The following ESRRB variants were observed in gnomAD, a reference collection of about 807,000 sequenced individuals.
ESRRB encodes steroid hormone receptor ERR2.
In ESRRB, 16 loss-of-function variants were observed where a neutral mutation model predicts 46.0. The ratio of observed to expected loss-of-function variants is 0.35; its 90% CI spans 0.24 to 0.53. The LOEUF (loss-of-function observed/expected upper bound fraction) is 0.53, where lower values mean the gene tolerates loss of function less well. Ranked by LOEUF, ESRRB falls within the 20% of genes least tolerant of loss-of-function variation. The pLI is 0.93. For missense variants in ESRRB, 488 were observed against 607.4 expected, an observed-to-expected ratio of 0.80 and a Z score of 2.07; for synonymous variants, 246 against 259.6, an observed-to-expected ratio of 0.95 and a Z score of 0.50.
Position 76,418,379 on chromosome 14 carries a change from G to A in ESRRB, c.51-20962G>A, listed in dbSNP as rs183101429. The stretch of plus-strand genomic sequence containing the variant: ...GTTTTCACTTTTGTTAGCTTCCTAT[G>A]TTACCATGATAGATTTGTCACAACT... On this transcript the variant is annotated intron_variant, in intron 1 of 6. Transcript: ENST00000644823. Among the ~76,000 whole-genome samples the A allele has an allele frequency of 5.1e-3, 769 of 152,254 alleles. 7 individuals are homozygous for A. Among genetic ancestry groups the A allele is most frequent in the African/African-American group, 0.018 (739 of 41,536 alleles).
At chr14:76,415,926 T>G (rs1886678836) in intron 1 of ESRRB, among the ~76,000 whole-genome samples, 1 of 152,180 alleles carries the variant, frequency 6.6e-6, no homozygotes, top group Admixed American at 6.5e-5. Flanking sequence ...TTGCCTACAG[T>G]CAACAGCAAG....
chr14:76,391,807 G>A (rs571613072), intron 1 of ESRRB, among the ~76,000 whole-genome samples: 1 of 152,304 alleles, frequency 6.6e-6, no homozygotes, highest in South Asian at 2.1e-4. Flanking sequence ...GTCCAAGAGT[G>A]CCTGGTTGAG....
At chr14:76,468,315 T>C (rs1889208700) in intron 3 of ESRRB, among the ~76,000 whole-genome samples, 1 of 152,096 alleles carries the variant, frequency 6.6e-6, no homozygotes, top group African/African-American at 2.4e-5. Flanking sequence ...CTTTATAGAA[T>C]GGTATTGAGC....
rs1466733101 is a variant in ESRRB at position 76,319,249 on chromosome 14, C to A, written c.2+8333C>A. ...GCGTAGCATAGCTAAAGTGGGGTTG[C>A]TTGTTTGCCACATATTTGATGGTGC... On this transcript the variant is annotated intron_variant, in intron 1 of 6. Coordinates refer to the ESRRB transcript ENST00000512784. Among the ~76,000 whole-genome samples the A allele has an allele frequency of 2.0e-5, 3 of 152,208 alleles. No homozygotes were observed. The East Asian group carries it at 5.8e-4, about 29-fold the overall frequency.
intron 1 of ESRRB, chr14:76,310,998 C>CTCTT: frequency 2.3e-6 from 1 of 433,402 alleles, no homozygotes; most frequent in South Asian, 1.7e-5. Context: ...CTCTCTCTCT[C>CTCTT]TCTCTCTCTC....
intron 3 of ESRRB, among the ~76,000 whole-genome samples, chr14:76,473,257 C>T (rs560544974): frequency 6.6e-6 from 1 of 152,188 alleles, no homozygotes; most frequent in Non-Finnish European, 1.5e-5. Flanking sequence ...AAATGAGATA[C>T]GGGTATGAAA....
intron 3 of ESRRB, among the ~76,000 whole-genome samples, chr14:76,477,376 G>A (rs1449638421): frequency 1.3e-5 from 2 of 152,238 alleles, no homozygotes; most frequent in Non-Finnish European, 2.9e-5. Context: ...GGGTTGGCAG[G>A]AGGGTGGTAG....
At chr14:76,370,239 A>AAC (rs1263293592), upstream of ESRRB, among the ~76,000 whole-genome samples, 7 of 151,600 alleles carry the variant, frequency 4.6e-5, no homozygotes, top group South Asian at 2.1e-4. Flanking sequence ...AAAAAAAAAA[A>AAC]ACACAAAAGT....
intron 2 of ESRRB, among the ~76,000 whole-genome samples, chr14:76,452,771 G>A (rs1174135042): frequency 1.3e-5 from 2 of 152,204 alleles, no homozygotes; most frequent in Admixed American, 1.3e-4. Context: ...CCATTAGGGG[G>A]AAAACATAAA....
chr14:76,445,867 G>A (rs1433446748), intron 2 of ESRRB, among the ~76,000 whole-genome samples: 3 of 152,040 alleles, frequency 2.0e-5, no homozygotes, highest in Non-Finnish European at 2.9e-5. Context: ...TGTATTTTCA[G>A]TAGAGACAGG....
At chr14:76,387,086 A>G (rs1885262665) in intron 1 of ESRRB, among the ~76,000 whole-genome samples, 2 of 152,068 alleles carry the variant, frequency 1.3e-5, no homozygotes, top group African/African-American at 2.4e-5. Context: ...GACCCTTGTG[A>G]GGGTCTCCCA....
intron 6 of ESRRB, among the ~76,000 whole-genome samples, chr14:76,497,575 G>T (rs942768748): frequency 6.6e-6 from 1 of 152,160 alleles, no homozygotes; most frequent in African/African-American, 2.4e-5. Context: ...CTCCATCACC[G>T]TGCCTCATGC....
At chr14:76,442,974 C>T (rs1038997803) in intron 2 of ESRRB, among the ~76,000 whole-genome samples, 15 of 151,832 alleles carry the variant, frequency 9.9e-5, no homozygotes, top group African/African-American at 3.4e-4. Context: ...GCCACAACAC[C>T]TGGCTAATTT....
chr14:76,355,441 T>C (rs547144599), intron 1 of ESRRB, among the ~76,000 whole-genome samples: 1 of 152,160 alleles, frequency 6.6e-6, no homozygotes, highest in African/African-American at 2.4e-5. Flanking sequence ...TGGGCCCAAG[T>C]CACTTGTTTC....
At chr14:76,339,329 C>A (rs534222250) in intron 1 of ESRRB, among the ~76,000 whole-genome samples, 1 of 152,274 alleles carries the variant, frequency 6.6e-6, no homozygotes, top group East Asian at 1.9e-4. Flanking sequence ...GGGATACTAC[C>A]ATCACTTACT....
At chr14:76,401,550 C>T (rs1595081792) in intron 1 of ESRRB, among the ~76,000 whole-genome samples, 1 of 152,206 alleles carries the variant, frequency 6.6e-6, no homozygotes, top group East Asian at 1.9e-4. Flanking sequence ...TGATGGGCTG[C>T]ATATATGATG....
intron 1 of ESRRB, among the ~76,000 whole-genome samples, chr14:76,435,115 G>A (rs184470529): frequency 7.9e-5 from 12 of 152,324 alleles, no homozygotes; most frequent in African/African-American, 2.6e-4. Context: ...ACATGCAGCT[G>A]GGGCCTGATG....
At chr14:76,322,454 T>C (rs184594607) in intron 1 of ESRRB, among the ~76,000 whole-genome samples, 13 of 152,316 alleles carry the variant, frequency 8.5e-5, no homozygotes, top group Non-Finnish European at 8.8e-5. Context: ...CCTTATCACG[T>C]CCACACCTTC....
chr14:76,373,409 C>T (rs974976379), upstream of ESRRB, among the ~76,000 whole-genome samples: 1 of 152,112 alleles, frequency 6.6e-6, no homozygotes, highest in Admixed American at 6.5e-5. Flanking sequence ...GGAGTCAGGA[C>T]CCGATCCCAG....
Sources: allele counts gnomAD v4.1 joint callset (sites outside exome capture counted in the v4.1 genomes callset), GRCh38; gene constraint gnomAD v4.1.1; transcripts MANE v1.5; gene names NCBI Gene and HGNC (gene_info 2026-07-23, HGNC 2026-07-21).